SIDT1: variants seen among roughly 807,000 people sequenced by gnomAD.
SIDT1 encodes SID1 transmembrane family member 1.
SIDT1 carries 101 observed loss-of-function variants against 107.5 expected under a neutral mutation model. The observed-to-expected ratio is 0.94, with a 90% CI of 0.80 to 1.11. The LOEUF (loss-of-function observed/expected upper bound fraction) is 1.11, where lower values mean the gene tolerates loss of function less well. Among genes scored for constraint, SIDT1 ranks in the 50% least tolerant of loss-of-function variants. The pLI is 0.00. For synonymous variants in SIDT1, 395 were observed against 398.2 expected, an observed-to-expected ratio of 0.99 and a Z score of 0.10; for missense variants, 1,076 against 1,058.2, an observed-to-expected ratio of 1.02 and a Z score of -0.23.
chr3:113,622,187 G>T (rs564339131), intron 21 of SIDT1, among the ~76,000 whole-genome samples: 75 of 152,106 alleles, frequency 4.9e-4, no homozygotes, highest in African/African-American at 1.8e-3. Context: ...ATTTCAGGCC[G>T]GGCGCGGTGG....
intron 23 of SIDT1, among the ~76,000 whole-genome samples, chr3:113,624,278 C>A (rs1173382015): frequency 6.6e-6 from 1 of 152,228 alleles, no homozygotes; most frequent in Non-Finnish European, 1.5e-5. Flanking sequence ...TAACCCCTTA[C>A]CCCTAAGCAA....
At chr3:113,609,058 C>CTTTTTTTTTTTTTTTTTTTTTTTTT (rs11453487) in intron 17 of SIDT1, among the ~76,000 whole-genome samples, 1 of 86,680 alleles carries the variant, frequency 1.2e-5, no homozygotes, top group African/African-American at 4.3e-5. Flanking sequence ...TGAGCCCATT[C>CTTTTTTTTTTTTTTTTTTTTTTTTT]TTTTTTTTTT....
chr3:113,585,280 T>A lies in SIDT1; in HGVS notation c.1001+10T>A, dbSNP rs1178228379. On this transcript the variant is annotated intron_variant, in intron 9 of 24. Coordinates refer to ENST00000264852, the MANE Select transcript of SIDT1 (RefSeq NM_017699.3). Reference sequence around the variant, plus strand: ...TTGTTCATTATCTGAGGTAGGTCAATCTTTTCTAGAAATGTTAATTCCCTG... The same window carrying A: ...TTGTTCATTATCTGAGGTAGGTCAAACTTTTCTAGAAATGTTAATTCCCTG... 1.1e-5 allele frequency: 18 copies of A among 1,583,224 alleles called. No homozygotes were observed. The highest frequency in any genetic ancestry group is 1.6e-5 in the Non-Finnish European group (18 of 1,152,210).
intron 9 of SIDT1, among the ~76,000 whole-genome samples, chr3:113,591,244 C>T (rs1944127217): frequency 6.6e-6 from 1 of 152,142 alleles, no homozygotes; most frequent in African/African-American, 2.4e-5. Flanking sequence ...CCATATAAGG[C>T]ACATTTTGGT....
chr3:113,539,550 T>C (rs1938569765), intron 1 of SIDT1, among the ~76,000 whole-genome samples: 1 of 152,178 alleles, frequency 6.6e-6, no homozygotes, highest in East Asian at 1.9e-4. Context: ...TGCTAAGAAA[T>C]AGATCATAAG....
At chr3:113,596,583 C>T (rs1165602616) in intron 10 of SIDT1, among the ~76,000 whole-genome samples, 1 of 152,134 alleles carries the variant, frequency 6.6e-6, no homozygotes, top group Non-Finnish European at 1.5e-5. Context: ...CCTGTATTGT[C>T]TAATTATCCT....
chr3:113,611,477 G>A lies in SIDT1; in HGVS notation c.1857+333G>A, dbSNP rs928021273. On this transcript the variant is annotated intron_variant, in intron 18 of 24. Coordinates refer to ENST00000264852, the MANE Select transcript of SIDT1 (RefSeq NM_017699.3). ...CTCCTGAGTAGCTGGGACTACAGGC[G>A]CCCACCACCACGCCTGGCTAATTTT... Among the ~76,000 whole-genome samples, 5 of 152,214 alleles carry A rather than the reference G, an allele frequency of 3.3e-5. No homozygotes were observed. In the East Asian group the frequency reaches 7.7e-4, roughly 23 times the overall value.
At chr3:113,625,836 G>A in intron 23 of SIDT1, 2 of 380,310 alleles carry the variant, frequency 5.3e-6, no homozygotes, top group Non-Finnish European at 9.4e-6. Context: ...CTCCCATTCT[G>A]TGGGTTGTCT....
intron 18 of SIDT1, 89 bp from the exon 19 acceptor site, chr3:113,611,997 G>A (rs139310719): frequency 5.3e-5 from 47 of 890,474 alleles, no homozygotes; most frequent in Non-Finnish European, 7.2e-5. Context: ...AGCTGTTTTT[G>A]ACTCCTTACA....
chr3:113,614,145 A>G (rs772753379), intron 19 of SIDT1, among the ~76,000 whole-genome samples: 3 of 152,214 alleles, frequency 2.0e-5, no homozygotes, highest in African/African-American at 2.4e-5. Flanking sequence ...GTGACCTTTC[A>G]TGGACGTTCT....
In SIDT1 at chr3:113,628,500, AAGGAAAAAC is replaced by A. The variant is rs1260928545; in HGVS notation, c.*800_*808del. 6.5e-6 allele frequency: 1 copy of A among 153,008 alleles called. No individual in the cohort carries two copies. Among genetic ancestry groups the A allele is most frequent in the African/African-American group, 2.4e-5 (1 of 41,458 alleles). 9.5% of individuals were successfully genotyped at this position (153,008 alleles called of 1,614,324 possible). On this transcript the variant is annotated 3_prime_UTR_variant, in exon 25 of 25. Transcript: ENST00000264852. ...AGATGTCTGGCCAGCTTCAAGGCAG[AAGGAAAAAC>A]AGGAAAAGCTCTTTTAACAGCAGCA...
At chr3:113,559,367 C>T (rs951131586) in intron 1 of SIDT1, among the ~76,000 whole-genome samples, 16 of 152,066 alleles carry the variant, frequency 1.1e-4, no homozygotes, top group Admixed American at 3.3e-4. Context: ...ACCTGTGAGG[C>T]TTTACCTTTC....
chr3:113,594,071 A>T (rs1307236669), intron 10 of SIDT1, among the ~76,000 whole-genome samples: 3 of 152,238 alleles, frequency 2.0e-5, no homozygotes, highest in African/African-American at 7.2e-5. Flanking sequence ...TACATAGCAG[A>T]TGTTTAGGTG....
At chr3:113,577,349 A>C (rs1195100366) in intron 4 of SIDT1, among the ~76,000 whole-genome samples, 1 of 152,214 alleles carries the variant, frequency 6.6e-6, no homozygotes, top group African/African-American at 2.4e-5. Context: ...GGGAAGTGGT[A>C]GTGGGGATAG....
chr3:113,633,980 T>G (rs1272305949), downstream of SIDT1, among the ~76,000 whole-genome samples: 1 of 152,148 alleles, frequency 6.6e-6, no homozygotes, highest in Non-Finnish European at 1.5e-5. Flanking sequence ...TGGCCTGTCC[T>G]GCCCAGAGGA....
At chr3:113,589,894 T>A (rs1295155655) in intron 9 of SIDT1, 2 of 153,074 alleles carry the variant, frequency 1.3e-5, no homozygotes, top group East Asian at 1.9e-4. Flanking sequence ...TCATCTTCTA[T>A]GTGCCAGCTA....
downstream of SIDT1, among the ~76,000 whole-genome samples, chr3:113,633,638 GGAAGTTAA>G (rs1295715330): frequency 6.6e-6 from 1 of 152,164 alleles, no homozygotes; most frequent in African/African-American, 2.4e-5. Flanking sequence ...TTTGAGTAAT[GGAAGTTAA>G]GAAGTAAGCT....
chr3:113,632,996 T>C (rs1437099338), downstream of SIDT1: 2 of 152,306 alleles, frequency 1.3e-5, no homozygotes, highest in Admixed American at 1.3e-4. Flanking sequence ...AGAACATCCT[T>C]ATAAGACTCT....
At chr3:113,613,190 A>G (rs1945873052) in intron 19 of SIDT1, among the ~76,000 whole-genome samples, 1 of 152,174 alleles carries the variant, frequency 6.6e-6, no homozygotes, top group African/African-American at 2.4e-5. Context: ...TCCCCCACAA[A>G]TAGCCACCAC....
Sources: allele counts gnomAD v4.1 joint callset (sites outside exome capture counted in the v4.1 genomes callset), GRCh38; gene constraint gnomAD v4.1.1; transcripts MANE v1.5; gene names NCBI Gene and HGNC (gene_info 2026-07-23, HGNC 2026-07-21).